The following NTNG1 variants were observed in gnomAD, a reference collection of about 807,000 sequenced individuals.
The protein encoded by NTNG1 is netrin G1, also known as netrin-G1.
In NTNG1, 16 loss-of-function variants were observed where a neutral mutation model predicts 54.0. The observed-to-expected ratio is 0.30, with a 90% CI of 0.20 to 0.45. The LOEUF is 0.45. Among genes scored for constraint, NTNG1 ranks in the 20% least tolerant of loss-of-function variants. The probability of loss-of-function intolerance (pLI) is 1.00; values close to 1 mark genes in which losing one functional copy is unlikely to be tolerated. For missense variants in NTNG1, 530 were observed against 678.7 expected, an observed-to-expected ratio of 0.78 and a Z score of 2.43; for synonymous variants, 255 against 263.1, an observed-to-expected ratio of 0.97 and a Z score of 0.30.
chr1:107,302,994 C>T (rs900628353), intron 2 of NTNG1, among the ~76,000 whole-genome samples: 14 of 152,186 alleles, frequency 9.2e-5, no homozygotes, highest in Non-Finnish European at 4.4e-5. Context: ...TTTCCCCCTA[C>T]CTTCCTACCC....
At chr1:107,376,275 G>A (rs929681134) in intron 3 of NTNG1, among the ~76,000 whole-genome samples, 2 of 152,142 alleles carry the variant, frequency 1.3e-5, no homozygotes, top group African/African-American at 4.8e-5. Flanking sequence ...GGGCGCGGTG[G>A]CGGGCGCCTG....
chr1:107,235,501 G>A (rs560080037), intron 2 of NTNG1, among the ~76,000 whole-genome samples: 4 of 152,138 alleles, frequency 2.6e-5, no homozygotes, highest in African/African-American at 9.7e-5. Flanking sequence ...AAATGCCAGG[G>A]AACCTCAGCC....
chr1:107,307,869 G>T (rs1666778421), intron 2 of NTNG1, among the ~76,000 whole-genome samples: 1 of 152,106 alleles, frequency 6.6e-6, no homozygotes, highest in Admixed American at 6.5e-5. Flanking sequence ...CTAATCTCTA[G>T]TAACTACGTT....
At chr1:107,463,296 G>T (rs1677391768) in intron 7 of NTNG1, among the ~76,000 whole-genome samples, 1 of 152,130 alleles carries the variant, frequency 6.6e-6, no homozygotes, top group Admixed American at 6.5e-5. Flanking sequence ...TTTTCAAGTG[G>T]TCATCCAATC....
intron 3 of NTNG1, among the ~76,000 whole-genome samples, chr1:107,386,900 T>G (rs1672036161): frequency 6.6e-6 from 1 of 152,252 alleles, no homozygotes; most frequent in Admixed American, 6.5e-5. Flanking sequence ...CTCCACATCC[T>G]TGCAGCATTT....
intron 2 of NTNG1, among the ~76,000 whole-genome samples, chr1:107,173,459 G>T (rs1277863170): frequency 6.6e-6 from 1 of 152,080 alleles, no homozygotes; most frequent in East Asian, 1.9e-4. Flanking sequence ...AAAGGATTGG[G>T]CCTAAATTTC....
intron 2 of NTNG1, among the ~76,000 whole-genome samples, chr1:107,221,630 G>C (rs1660353202): frequency 6.6e-6 from 1 of 152,154 alleles, no homozygotes; most frequent in Non-Finnish European, 1.5e-5. Flanking sequence ...TTAGAACATA[G>C]GGTACATGAG....
intron 3 of NTNG1, among the ~76,000 whole-genome samples, chr1:107,344,706 A>G (rs1047700379): frequency 1.3e-5 from 2 of 152,152 alleles, no homozygotes; most frequent in African/African-American, 4.8e-5. Flanking sequence ...ACAGAATTTC[A>G]TAACCCTCCC....
rs10598493 is a variant in NTNG1 at position 107,381,348 on chromosome 1, T to TAA, written c.888-13779_888-13778dup. ...AAAATATAGCACCTTTCTCTTTAAC[T>TAA]AAAAAAAAAAAAAAAAAAAAAAAAA... is the stretch of plus-strand genomic sequence containing the variant. On this transcript the variant is annotated intron_variant, in intron 3 of 7. Transcript: ENST00000370068. Among the ~76,000 whole-genome samples the TAA allele has an allele frequency of 2.7e-3, 141 of 51,654 alleles. 12 individuals carry two copies. Among genetic ancestry groups the TAA allele is most frequent in the African/African-American group, 8.9e-3 (122 of 13,716 alleles). The allele number at this position is 51,654 out of a possible 152,430, so 33.9% of individuals were successfully genotyped here.
At chr1:107,419,672 T>C (rs1034602565) in intron 5 of NTNG1, among the ~76,000 whole-genome samples, 5 of 148,336 alleles carry the variant, frequency 3.4e-5, no homozygotes, top group African/African-American at 7.4e-5. Flanking sequence ...CTTAGCTATA[T>C]ACAGGATGTT....
Position 107,291,588 on chromosome 1 carries a change from CA to C in NTNG1, c.247-32688del, listed in dbSNP as rs1557873988. Among the ~76,000 whole-genome samples, 7 of 152,064 alleles carry C rather than the reference CA, an allele frequency of 4.6e-5. No homozygotes were observed. The South Asian group carries it at 1.5e-3, about 32-fold the overall frequency. On this transcript the variant is annotated intron_variant, in intron 2 of 7. Transcript: ENST00000370068. ...CACATAAAAGGAAAAATAAATAATT[CA>C]AAAAATATTGCTGATTTATCAACTG...
chr1:107,320,742 T>C (rs1024452284), intron 2 of NTNG1, among the ~76,000 whole-genome samples: 3 of 151,924 alleles, frequency 2.0e-5, no homozygotes, highest in Non-Finnish European at 2.9e-5. Flanking sequence ...CTTCCTCTTT[T>C]AATTTTCTGT....
At chr1:107,383,014 T>C (rs2101040100) in intron 3 of NTNG1, among the ~76,000 whole-genome samples, 1 of 152,344 alleles carries the variant, frequency 6.6e-6, no homozygotes, top group East Asian at 1.9e-4. Flanking sequence ...AATTTTGTAG[T>C]AAAAACTAAA....
intron 2 of NTNG1, among the ~76,000 whole-genome samples, chr1:107,175,062 A>G (rs1435186010): frequency 4.6e-5 from 7 of 152,138 alleles, no homozygotes; most frequent in African/African-American, 1.7e-4. Context: ...AATATCTTCA[A>G]ATTCGGTTAG....
chr1:107,301,881 T>G (rs1235893154), intron 2 of NTNG1, among the ~76,000 whole-genome samples: 9 of 152,210 alleles, frequency 5.9e-5, no homozygotes, highest in African/African-American at 2.2e-4. Flanking sequence ...TGAATCTTTA[T>G]GAGGGAGAGC....
intron 3 of NTNG1, among the ~76,000 whole-genome samples, chr1:107,362,254 A>C (rs910890252): frequency 6.6e-6 from 1 of 152,168 alleles, no homozygotes; most frequent in Non-Finnish European, 1.5e-5. Flanking sequence ...AGACGGTTAC[A>C]CCTTGCCCAA....
At chr1:107,405,791 T>C (rs1275278965) in intron 4 of NTNG1, among the ~76,000 whole-genome samples, 1 of 152,080 alleles carries the variant, frequency 6.6e-6, no homozygotes, top group East Asian at 1.9e-4. Flanking sequence ...TTTTCAATCA[T>C]GGAAAAATTT....
At chr1:107,269,511 G>A (rs967055064) in intron 2 of NTNG1, among the ~76,000 whole-genome samples, 39 of 152,150 alleles carry the variant, frequency 2.6e-4, no homozygotes, top group Non-Finnish European at 5.3e-4. Context: ...CCACATGAAG[G>A]CAGCTTTGTG....
intron 2 of NTNG1, among the ~76,000 whole-genome samples, chr1:107,179,174 G>T (rs894959959): frequency 6.6e-6 from 1 of 152,164 alleles, no homozygotes; most frequent in Non-Finnish European, 1.5e-5. Flanking sequence ...TCTTGAAAGA[G>T]TTGAGGACTT....
Sources: allele counts gnomAD v4.1 joint callset (sites outside exome capture counted in the v4.1 genomes callset), GRCh38; gene constraint gnomAD v4.1.1; transcripts MANE v1.5; gene names NCBI Gene and HGNC (gene_info 2026-07-23, HGNC 2026-07-21).